Variants in PSMD9 observed in about 807,000 individuals in gnomAD.
The protein encoded by PSMD9 is proteasome 26S subunit, non-ATPase 9.
PSMD9 carries 26 observed loss-of-function variants against 25.9 expected under a neutral mutation model. The ratio of observed to expected loss-of-function variants is 1.00; its 90% CI spans 0.73 to 1.39. The LOEUF is 1.39. Among genes scored for constraint, PSMD9 ranks in the 40% most tolerant of loss-of-function variants. The probability of loss-of-function intolerance (pLI) is 0.00; values close to 1 mark genes in which losing one functional copy is unlikely to be tolerated. For synonymous variants in PSMD9, 110 were observed against 114.5 expected, an observed-to-expected ratio of 0.96 and a Z score of 0.25; for missense variants, 303 against 299.3, an observed-to-expected ratio of 1.01 and a Z score of -0.09.
intron 1 of PSMD9, among the ~76,000 whole-genome samples, chr12:121,891,463 G>C (rs1879074525): frequency 6.6e-6 from 1 of 151,622 alleles, no homozygotes; most frequent in Non-Finnish European, 1.5e-5. Flanking sequence ...AGCTGGACGT[G>C]GTGGCCAGCG....
rs34940246 is a variant in PSMD9 at position 121,910,083 on chromosome 12, C to CTTTTTTTT, written c.556-5759_556-5752dup. On this transcript the variant is annotated intron_variant, in intron 4 of 5. Coordinates refer to ENST00000541212, the MANE Select transcript of PSMD9 (RefSeq NM_002813.7). Reference sequence around the variant, plus strand: ...TCTTTGACAATCTGGTAGGAAATGACTTTTTTTTTTTTTTTTTTTTTGAGA... The same window carrying CTTTTTTTT: ...TCTTTGACAATCTGGTAGGAAATGACTTTTTTTTTTTTTTTTTTTTTTTTTTTTTGAGA... Among the ~76,000 whole-genome samples, 58 of 95,542 alleles carry CTTTTTTTT rather than the reference C, an allele frequency of 6.1e-4. 1 individual carries two copies. The highest frequency in any genetic ancestry group is 7.2e-4 in the Non-Finnish European group (38 of 52,580). The allele number at this position is 95,542 out of a possible 152,430, so 62.7% of individuals were successfully genotyped here.
intron 4 of PSMD9, among the ~76,000 whole-genome samples, chr12:121,913,820 T>C (rs1879812185): frequency 6.6e-6 from 1 of 152,172 alleles, no homozygotes; most frequent in Non-Finnish European, 1.5e-5. Context: ...TCTCCTATCA[T>C]GTGGGTTGCC....
chr12:121,913,713 G>A (rs925519171), intron 4 of PSMD9, among the ~76,000 whole-genome samples: 1 of 151,466 alleles, frequency 6.6e-6, no homozygotes, highest in Non-Finnish European at 1.5e-5. Context: ...TTGCCGGGCT[G>A]GTCTTGAACT....
chr12:121,897,278 T>TG (rs1451622382), intron 2 of PSMD9: 1 of 152,076 alleles, frequency 6.6e-6, no homozygotes, highest in Non-Finnish European at 1.5e-5. Flanking sequence ...TAATTTTTTT[T>TG]TTTTTTTTGA....
chr12:121,890,067 G>T (rs1468808770), intron 1 of PSMD9, among the ~76,000 whole-genome samples: 1 of 152,078 alleles, frequency 6.6e-6, no homozygotes, highest in African/African-American at 2.4e-5. Context: ...ACAGGCGAGC[G>T]CCAGTACGCC....
At position 121,888,792 on chromosome 12, in the gene PSMD9, G is replaced by A; in HGVS notation, c.-65G>A. 7 of 1,545,968 alleles carry A rather than the reference G, an allele frequency of 4.5e-6. No homozygotes were observed. The highest frequency in any genetic ancestry group is 1.7e-6 in the Non-Finnish European group (2 of 1,145,432). ...GGCGCATGGGCGGAGCCGTAGTTAC[G>A]GTCGACTGGGGCGTCGTCCCTAGCC... On this transcript the variant is annotated 5_prime_UTR_variant, in exon 1 of 6. Coordinates refer to ENST00000541212, the MANE Select transcript of PSMD9 (RefSeq NM_002813.7).
chr12:121,899,444 C>T (rs981149380), intron 2 of PSMD9, 190 bp from the exon 3 acceptor site: 4 of 602,524 alleles, frequency 6.6e-6, no homozygotes, highest in African/African-American at 5.6e-5. Flanking sequence ...ATTACTTATT[C>T]TGGAGCTGCT....
chr12:121,899,332 G>A (rs375462309), intron 2 of PSMD9: 17 of 370,402 alleles, frequency 4.6e-5, no homozygotes, highest in Middle Eastern at 7.8e-4. Flanking sequence ...GGGCTCACCC[G>A]AGACAGCACT....
At chr12:121,911,076 G>T in intron 4 of PSMD9, 1 of 446,516 alleles carries the variant, frequency 2.2e-6, no homozygotes. Context: ...GTCTCGCTCT[G>T]TTGCCCAGGC....
At chr12:121,904,569 G>A (rs931552030) in intron 4 of PSMD9, among the ~76,000 whole-genome samples, 4 of 150,198 alleles carry the variant, frequency 2.7e-5, no homozygotes, top group Non-Finnish European at 4.4e-5. Flanking sequence ...GCAAGACTCT[G>A]TCTCAAAAAA....
intron 4 of PSMD9, among the ~76,000 whole-genome samples, chr12:121,907,199 A>T (rs1188722890): frequency 6.7e-6 from 1 of 149,710 alleles, no homozygotes; most frequent in African/African-American, 2.5e-5. Context: ...CCTCCCAAGT[A>T]GTTGGGACTA....
intron 4 of PSMD9, among the ~76,000 whole-genome samples, chr12:121,907,029 A>G (rs1173110019): frequency 6.7e-6 from 1 of 150,254 alleles, no homozygotes; most frequent in East Asian, 1.9e-4. Flanking sequence ...ATAGTTTGCC[A>G]TTTTGTGGAG....
chr12:121,889,108 G>T (rs533222907), intron 1 of PSMD9, 114 bp downstream of exon 1: 4 of 1,352,448 alleles, frequency 3.0e-6, no homozygotes, highest in Middle Eastern at 2.6e-4. Context: ...TCCCTGGGAG[G>T]CCCAAGGCGC....
chr12:121,910,188 C>T (rs996283983), intron 4 of PSMD9, among the ~76,000 whole-genome samples: 4 of 143,300 alleles, frequency 2.8e-5, no homozygotes, highest in Non-Finnish European at 4.5e-5. Flanking sequence ...CAGGTTCAAG[C>T]GATTCTCCTG....
chr12:121,913,223 CGTG>C (rs1565896131), intron 4 of PSMD9, among the ~76,000 whole-genome samples: 1 of 151,756 alleles, frequency 6.6e-6, no homozygotes, highest in African/African-American at 2.4e-5. Context: ...GGATTACAGG[CGTG>C]AGCCACCGCG....
At chr12:121,912,274 A>G (rs1482065070) in intron 4 of PSMD9, among the ~76,000 whole-genome samples, 1 of 151,488 alleles carries the variant, frequency 6.6e-6, no homozygotes, top group Non-Finnish European at 1.5e-5. Flanking sequence ...AAGCGATCCC[A>G]CCCGTCTTGG....
intron 3 of PSMD9, among the ~76,000 whole-genome samples, chr12:121,900,604 A>G (rs1424368526): frequency 6.9e-6 from 1 of 144,966 alleles, no homozygotes; most frequent in Non-Finnish European, 1.5e-5. Context: ...AAAAAAAAAA[A>G]TTTACCCATT....
chr12:121,910,454 T>C (rs1170766959), intron 4 of PSMD9, among the ~76,000 whole-genome samples: 1 of 151,750 alleles, frequency 6.6e-6, no homozygotes, highest in Non-Finnish European at 1.5e-5. Flanking sequence ...GTGGTAAATA[T>C]ACATAATATA....
Position 121,916,925 on chromosome 12 carries a change from G to C in PSMD9, c.*614G>C, listed in dbSNP as rs1879924194. 1 of 152,462 alleles carries C rather than the reference G, an allele frequency of 6.6e-6. No individual in the cohort carries two copies. Among genetic ancestry groups the C allele is most frequent in the Non-Finnish European group, 1.5e-5 (1 of 68,238 alleles). 9.4% of individuals were successfully genotyped at this position (152,462 alleles called of 1,614,324 possible). ...GGTGGCCCAGCGTGGTGTCCTGTCA[G>C]CTTCCTCTTTAGGAACCCACCAGAG... On this transcript the variant is annotated 3_prime_UTR_variant, in exon 6 of 6. Coordinates refer to ENST00000541212, the MANE Select transcript of PSMD9 (RefSeq NM_002813.7).
Sources: allele counts gnomAD v4.1 joint callset (sites outside exome capture counted in the v4.1 genomes callset), GRCh38; gene constraint gnomAD v4.1.1; transcripts MANE v1.5; gene names NCBI Gene and HGNC (gene_info 2026-07-23, HGNC 2026-07-21).